NDRG3: variants seen among roughly 807,000 people sequenced by gnomAD.
The protein encoded by NDRG3 is protein NDRG3.
Under a neutral mutation model 57.2 loss-of-function variants are expected in NDRG3, and 23 were observed. The ratio of observed to expected loss-of-function variants is 0.40; its 90% CI spans 0.29 to 0.57. NDRG3 has a LOEUF of 0.57. Among genes scored for constraint, NDRG3 ranks in the 20% least tolerant of loss-of-function variants. The probability of loss-of-function intolerance (pLI) is 0.42; values close to 1 mark genes in which losing one functional copy is unlikely to be tolerated. For synonymous variants in NDRG3, 132 were observed against 162.6 expected, an observed-to-expected ratio of 0.81 and a Z score of 1.43; for missense variants, 384 against 457.3, an observed-to-expected ratio of 0.84 and a Z score of 1.46.
At chr20:36,738,140 G>T (rs973321093) in intron 1 of NDRG3, among the ~76,000 whole-genome samples, 1 of 151,762 alleles carries the variant, frequency 6.6e-6, no homozygotes, top group African/African-American at 2.4e-5. Flanking sequence ...TATGAGACTT[G>T]TACCTACCTG....
chr20:36,743,735 G>A (rs1195094236), intron 1 of NDRG3, among the ~76,000 whole-genome samples: 2 of 137,554 alleles, frequency 1.5e-5, no homozygotes, highest in South Asian at 2.5e-4. Flanking sequence ...GGAGAATGGC[G>A]TGAATCTGGG....
intron 3 of NDRG3, among the ~76,000 whole-genome samples, chr20:36,695,033 T>C (rs547667605): frequency 6.6e-6 from 1 of 152,334 alleles, no homozygotes; most frequent in South Asian, 2.1e-4. Context: ...AGAACATAAA[T>C]TGTGAAGATT....
rs528847824 is a variant in NDRG3, at chr20:36,734,270, G to A, written c.-49+11775C>T. ...CCACAACTAATAAATGGCACAGCTGGAACTGAAACCCAGGTCTTCCGATCC... is the reference window on the plus strand; with the variant it reads ...CCACAACTAATAAATGGCACAGCTGAAACTGAAACCCAGGTCTTCCGATCC... On this transcript the variant is annotated intron_variant, in intron 1 of 15. Transcript: ENST00000349004. 4.6e-5 allele frequency among the ~76,000 whole-genome samples: 7 copies of A among 152,154 alleles called. No homozygotes were observed. The South Asian group carries it at 1.5e-3, about 32-fold the overall frequency.
intron 1 of NDRG3, among the ~76,000 whole-genome samples, chr20:36,743,088 C>G (rs1315424605): frequency 6.6e-6 from 1 of 152,200 alleles, no homozygotes; most frequent in African/African-American, 2.4e-5. Flanking sequence ...GTATAAGCCT[C>G]AGACTATCCT....
chr20:36,716,436 G>C (rs1348919391), intron 2 of NDRG3, among the ~76,000 whole-genome samples: 1 of 151,476 alleles, frequency 6.6e-6, no homozygotes, highest in African/African-American at 2.4e-5. Context: ...GGGAGGCTGA[G>C]GCAGAAGAAT....
intron 3 of NDRG3, among the ~76,000 whole-genome samples, chr20:36,694,059 T>C (rs1345757886): frequency 6.6e-6 from 1 of 151,828 alleles, no homozygotes; most frequent in Non-Finnish European, 1.5e-5. Context: ...GCAGAGAAAA[T>C]ATATTTACTA....
In NDRG3 at chr20:36,746,034, C is replaced by A; in HGVS notation, c.-49+11G>T. On this transcript the variant is annotated intron_variant, in intron 1 of 15. Coordinates refer to ENST00000349004, the MANE Select transcript of NDRG3 (RefSeq NM_032013.4). ...GCGCCCCCCGCGGGCCGGGCGGAGG[C>A]GCTCACTCACCTGAGGCGCGGGCAC... is the stretch of plus-strand genomic sequence containing the variant. 3.0e-6 allele frequency: 1 copy of A among 329,694 alleles called. No homozygotes were observed. Among genetic ancestry groups the A allele is most frequent in the Non-Finnish European group, 5.5e-6 (1 of 182,678 alleles). 20.4% of individuals were successfully genotyped at this position (329,694 alleles called of 1,614,324 possible). A position where few individuals can be genotyped will look rare whatever the true frequency, so the allele number is the denominator to read the frequency against.
intron 12 of NDRG3, among the ~76,000 whole-genome samples, chr20:36,662,757 C>A (rs1462289422): frequency 2.0e-5 from 3 of 152,166 alleles, no homozygotes; most frequent in Non-Finnish European, 4.4e-5. Flanking sequence ...CTAGGTTTGA[C>A]TGTGTATGAA....
chr20:36,711,491 C>T (rs997913640), intron 2 of NDRG3, among the ~76,000 whole-genome samples: 1 of 152,066 alleles, frequency 6.6e-6, no homozygotes, highest in African/African-American at 2.4e-5. Flanking sequence ...TATAGAGCCA[C>T]AAATTCTGAC....
intron 3 of NDRG3, among the ~76,000 whole-genome samples, chr20:36,703,577 G>A (rs1465385862): frequency 2.0e-5 from 3 of 152,010 alleles, no homozygotes; most frequent in African/African-American, 7.3e-5. Flanking sequence ...CCAAAGTGCT[G>A]GGACTACAGG....
At chr20:36,666,184 C>A in intron 10 of NDRG3, 105 bp downstream of exon 10, 1 of 822,828 alleles carries the variant, frequency 1.2e-6, no homozygotes, top group Non-Finnish European at 2.0e-6. Flanking sequence ...ATTTTCACCT[C>A]GGAGAAGCTG....
At position 36,653,900 on chromosome 20, in the gene NDRG3, T is replaced by A. The variant is rs1978428480; in HGVS notation, c.947-199A>T. Among the ~76,000 whole-genome samples, 1 of 152,206 alleles carries A rather than the reference T, an allele frequency of 6.6e-6. No homozygotes were observed. The highest frequency in any genetic ancestry group is 2.4e-5 in the African/African-American group (1 of 41,454). ...TGAGGCCACTTTAATCCTTTAGATC[T>A]GGTTGGAATCTCAGCTGATTGTAGT... On this transcript the variant is annotated intron_variant, in intron 15 of 15. Coordinates refer to ENST00000349004, the MANE Select transcript of NDRG3 (RefSeq NM_032013.4). The surrounding 1 kb of genome is among the most constrained non-coding windows in gnomAD (Gnocchi z 4.2).
intron 1 of NDRG3, among the ~76,000 whole-genome samples, chr20:36,726,775 A>G (rs1033624991): frequency 5.3e-5 from 8 of 152,214 alleles, no homozygotes; most frequent in African/African-American, 1.9e-4. Flanking sequence ...AGCCATCTTC[A>G]AATTAAGGAA....
At chr20:36,721,585 A>G in intron 2 of NDRG3, 94 bp downstream of exon 2, 1 of 720,330 alleles carries the variant, frequency 1.4e-6, no homozygotes, top group Non-Finnish European at 2.4e-6. Flanking sequence ...CAAGCTAAAT[A>G]TGTTTTAAGT....
At chr20:36,664,629 T>C (rs946497787) in intron 12 of NDRG3, among the ~76,000 whole-genome samples, 19 of 152,194 alleles carry the variant, frequency 1.2e-4, no homozygotes, top group South Asian at 2.1e-4. Context: ...AACCCTGATA[T>C]GTGCAATCAG....
At chr20:36,744,969 G>T (rs1044224461) in intron 1 of NDRG3, among the ~76,000 whole-genome samples, 7 of 60,348 alleles carry the variant, frequency 1.2e-4, no homozygotes, top group African/African-American at 4.5e-4. Flanking sequence ...CCAGGGTAAG[G>T]GGGGGGGGGG....
At chr20:36,712,426 CG>C (rs1200705401) in intron 2 of NDRG3, among the ~76,000 whole-genome samples, 2 of 132,160 alleles carry the variant, frequency 1.5e-5, no homozygotes, top group Non-Finnish European at 3.1e-5. Context: ...GATAGGGTCT[CG>C]CTCTGTCAGC....
chr20:36,702,268 C>T (rs943754918), intron 3 of NDRG3, among the ~76,000 whole-genome samples: 2 of 151,682 alleles, frequency 1.3e-5, no homozygotes, highest in African/African-American at 4.8e-5. Context: ...TCCCAAGTAG[C>T]AGGGACCACA....
At chr20:36,734,629 C>CA (rs1985515170) in intron 1 of NDRG3, among the ~76,000 whole-genome samples, 1 of 152,104 alleles carries the variant, frequency 6.6e-6, no homozygotes, top group Admixed American at 6.6e-5. Context: ...TGGACAAACT[C>CA]AAAGGCAGTT....
Sources: allele counts gnomAD v4.1 joint callset (sites outside exome capture counted in the v4.1 genomes callset), GRCh38; gene constraint gnomAD v4.1.1; non-coding constraint Gnocchi (gnomAD v3.1); transcripts MANE v1.5; gene names NCBI Gene and HGNC (gene_info 2026-07-23, HGNC 2026-07-21).